ZFP90: variants seen among roughly 807,000 people sequenced by gnomAD.
The protein encoded by ZFP90 is ZFP90 zinc finger protein, also known as zinc finger protein 90 homolog.
ZFP90 carries 38 observed loss-of-function variants against 60.8 expected under a neutral mutation model. The ratio of observed to expected loss-of-function variants is 0.62; its 90% CI spans 0.48 to 0.82. The LOEUF (loss-of-function observed/expected upper bound fraction) is 0.82. ZFP90 is among the 40% of genes least tolerant of loss of function. The pLI, the probability that ZFP90 is intolerant of heterozygous loss-of-function variation, is 0.00. For synonymous variants in ZFP90, 287 were observed against 264.8 expected (o/e 1.08, Z -0.82); for missense variants, 711 against 759.1 (o/e 0.94, Z 0.74).
Position 68,562,963 on chromosome 16 carries a change from T to C in ZFP90, c.257-81T>C, listed in dbSNP as rs750716684. ...TCAAAACAGAGTCATATGTAACTTA[T>C]ATGTCTTTCTTCATTCCTACTCTAG... On this transcript the variant is annotated intron_variant, in intron 4 of 4. Coordinates refer to ENST00000563169, the MANE Select transcript of ZFP90 (RefSeq NM_001305203.2). The C allele has an allele frequency of 1.2e-5, 19 of 1,576,408 alleles. No individual in the cohort carries two copies. In the African/African-American group the frequency reaches 1.2e-4, roughly 10 times the overall value.
chr16:68,570,051 CGTGTGTGT>C (rs3053783), downstream of ZFP90, among the ~76,000 whole-genome samples: 2 of 150,150 alleles, frequency 1.3e-5, no homozygotes, highest in Non-Finnish European at 3.0e-5. Flanking sequence ...TGTGTGTATA[CGTGTGTGT>C]GTGTGTGTGT....
Position 68,566,150 on chromosome 16 carries a change from G to T in ZFP90, c.*1452G>T. The T allele has an allele frequency of 1.0e-6, 1 of 985,352 alleles. No individual in the cohort carries two copies. Among genetic ancestry groups the T allele is most frequent in the Non-Finnish European group, 1.2e-6 (1 of 829,908 alleles). The allele number at this position is 985,352 out of a possible 1,614,324, so 61.0% of individuals were successfully genotyped here. The stretch of plus-strand genomic sequence containing the variant: ...ACACACACATCAATTTATTTTAGTT[G>T]TATAATGCTTTTCTATTAGTAAAGC... On this transcript the variant is annotated 3_prime_UTR_variant, in exon 5 of 5. Transcript: ENST00000563169.
chr16:68,565,587 G>GT lies in ZFP90; in HGVS notation c.*892dup. The GT allele has an allele frequency of 3.0e-6, 3 of 985,514 alleles. No individual in the cohort carries two copies. The highest frequency in any genetic ancestry group is 3.6e-6 in the Non-Finnish European group (3 of 829,922). 61.0% of individuals were successfully genotyped at this position (985,514 alleles called of 1,614,324 possible). A position where few individuals can be genotyped will look rare whatever the true frequency, so the allele number is the denominator to read the frequency against. ...TTATACTTTCAGCTAACATATGCCAGTTTCACAGAACTATTAAGTCCCCTT... is the reference window on the plus strand; with the variant it reads ...TTATACTTTCAGCTAACATATGCCAGTTTTCACAGAACTATTAAGTCCCCTT... On this transcript the variant is annotated 3_prime_UTR_variant, in exon 5 of 5. Coordinates refer to ENST00000563169, the MANE Select transcript of ZFP90 (RefSeq NM_001305203.2).
At chr16:68,552,253 G>A (rs890249580) in intron 2 of ZFP90, among the ~76,000 whole-genome samples, 4 of 152,088 alleles carry the variant, frequency 2.6e-5, no homozygotes, top group Non-Finnish European at 4.4e-5. Flanking sequence ...TATTTACTCC[G>A]GCAAACTTTT....
chr16:68,540,827 AAAAT>A (rs963980122), intron 2 of ZFP90, among the ~76,000 whole-genome samples: 5 of 141,094 alleles, frequency 3.5e-5, no homozygotes, highest in African/African-American at 6.2e-5. Context: ...AAAAAAAAAA[AAAAT>A]TTAAAAGATA....
intron 2 of ZFP90, chr16:68,533,996 G>C (rs904621535): frequency 6.6e-6 from 1 of 152,076 alleles, no homozygotes; most frequent in African/African-American, 2.4e-5. Context: ...TCTTTAATCA[G>C]TTCTGGAAAT....
At chr16:68,572,557 C>T (rs1444057830) in intron 2 of ZFP90, among the ~76,000 whole-genome samples, 2 of 152,168 alleles carry the variant, frequency 1.3e-5, no homozygotes, top group African/African-American at 2.4e-5. Flanking sequence ...TGATCCTTGG[C>T]CCCTATAGAT....
chr16:68,564,975 A>T lies in ZFP90; in HGVS notation c.*277A>T. On this transcript the variant is annotated 3_prime_UTR_variant, in exon 5 of 5. Coordinates refer to ENST00000563169, the MANE Select transcript of ZFP90 (RefSeq NM_001305203.2). Reference sequence around the variant, plus strand: ...TTGCTTTTGAATATATGTATGCAGGATATCATCAAGTTTCAACATCTTGAC... The same window carrying T: ...TTGCTTTTGAATATATGTATGCAGGTTATCATCAAGTTTCAACATCTTGAC... 1 of 1,129,078 alleles carries T rather than the reference A, an allele frequency of 8.9e-7. No individual in the cohort carries two copies. Among genetic ancestry groups the T allele is most frequent in the Non-Finnish European group, 1.1e-6 (1 of 922,602 alleles). The allele number at this position is 1,129,078 out of a possible 1,614,324, so 69.9% of individuals were successfully genotyped here.
At position 68,562,847 on chromosome 16, in the gene ZFP90, C is replaced by A. The variant is rs2091457897; in HGVS notation, c.257-197C>A. The A allele has an allele frequency of 2.1e-5, 27 of 1,270,840 alleles. 2 individuals carry two copies. The South Asian group carries it at 3.6e-4, about 17-fold the overall frequency. 78.7% of individuals were successfully genotyped at this position (1,270,840 alleles called of 1,614,324 possible). On this transcript the variant is annotated intron_variant, in intron 4 of 4. Coordinates refer to ENST00000563169, the MANE Select transcript of ZFP90 (RefSeq NM_001305203.2). ...GGGCTTTCCTCATTCTCTGGACTTA[C>A]CACATACTCTGAATCTGCAGTCTTT... is the stretch of plus-strand genomic sequence containing the variant.
At chr16:68,553,977 G>C (rs754137089) in intron 2 of ZFP90, among the ~76,000 whole-genome samples, 3 of 152,084 alleles carry the variant, frequency 2.0e-5, no homozygotes, top group Non-Finnish European at 4.4e-5. Context: ...AAATGGACTT[G>C]GGTGGTGGGG....
intron 4 of ZFP90, among the ~76,000 whole-genome samples, chr16:68,559,674 C>T (rs2091406248): frequency 4.6e-5 from 7 of 151,916 alleles, no homozygotes; most frequent in Admixed American, 3.3e-4. Flanking sequence ...CTCAAGCAAT[C>T]CTCCCACCTC....
chr16:68,553,852 T>G (rs1460005471), intron 2 of ZFP90, among the ~76,000 whole-genome samples: 1 of 152,088 alleles, frequency 6.6e-6, no homozygotes, highest in African/African-American at 2.4e-5. Flanking sequence ...CTGGAACTCC[T>G]GGCCTCTAGT....
At chr16:68,561,665 C>G (rs1031223007) in intron 4 of ZFP90, among the ~76,000 whole-genome samples, 2 of 152,122 alleles carry the variant, frequency 1.3e-5, no homozygotes, top group Non-Finnish European at 2.9e-5. Flanking sequence ...ATATAGAAAG[C>G]AATCAGAACA....
At chr16:68,572,141 G>A (rs1466429249) in intron 2 of ZFP90, among the ~76,000 whole-genome samples, 3 of 151,344 alleles carry the variant, frequency 2.0e-5, no homozygotes, top group African/African-American at 7.3e-5. Flanking sequence ...AAGCAGCTAG[G>A]ACTACAGGTG....
chr16:68,533,821 C>T (rs2090942982), exon 2 of ZFP90: 1 of 152,148 alleles, frequency 6.6e-6, no homozygotes, highest in Non-Finnish European at 1.5e-5. Context: ...CCATCACGCC[C>T]AGCTAGCCAT....
At chr16:68,538,792 G>A (rs1027049879), upstream of ZFP90, among the ~76,000 whole-genome samples, 1 of 151,994 alleles carries the variant, frequency 6.6e-6, no homozygotes, top group African/African-American at 2.4e-5. Flanking sequence ...GAAATAACAC[G>A]GCAGTAGATC....
intron 2 of ZFP90, among the ~76,000 whole-genome samples, chr16:68,545,169 G>A (rs976418027): frequency 1.3e-4 from 19 of 151,796 alleles, no homozygotes; most frequent in East Asian, 1.9e-4. Flanking sequence ...ATGAGCCACC[G>A]CGCCCGGCCC....
chr16:68,538,413 C>T (rs1184528767), upstream of ZFP90, among the ~76,000 whole-genome samples: 4 of 152,074 alleles, frequency 2.6e-5, no homozygotes, highest in Non-Finnish European at 5.9e-5. Context: ...TAAAAGTTGA[C>T]CTATCTTTGT....
chr16:68,558,112 C>G lies in ZFP90; in HGVS notation c.148C>G (p.Leu50Val). The change falls in exon 3 of 5, where the codon CTG becomes GTG. Residue 50 changes from leucine (L) to valine (V), a missense_variant. This residue lies in a region of ZFP90 where 241 missense variants were observed against 247.6 expected (regional missense o/e 0.97). Coordinates refer to ENST00000563169, the MANE Select transcript of ZFP90 (RefSeq NM_001305203.2). ...RDVMLENYSHLVSLGYQVSKP... is the reference protein window; with the variant it reads ...RDVMLENYSHVVSLGYQVSKP... ...TGTGATGCTGGAGAACTATAGCCAC[C>G]TGGTTTCTCTTGGTAAGGACCACTT... is the stretch of plus-strand genomic sequence containing the variant. 1 of 1,613,672 alleles carries G rather than the reference C, an allele frequency of 6.2e-7. No homozygotes were observed.
Sources: gnomAD v4.1 joint callset for allele counts (sites outside exome capture counted in the v4.1 genomes callset) on GRCh38, gnomAD v4.1.1 for gene constraint, gnomAD v4.1.1 regional missense constraint, MANE v1.5 for transcripts, NCBI Gene and HGNC (gene_info 2026-07-23, HGNC 2026-07-21) for gene names.